CNP: variants seen among roughly 807,000 people sequenced by gnomAD.
CNP encodes the protein 2',3'-cyclic nucleotide 3' phosphodiesterase.
CNP carries 8 observed loss-of-function variants against 37.9 expected under a neutral mutation model. The observed-to-expected ratio is 0.21, with a 90% CI of 0.12 to 0.38. The LOEUF (loss-of-function observed/expected upper bound fraction) is 0.38. Among genes scored for constraint, CNP ranks in the 10% least tolerant of loss-of-function variants. The pLI is 1.00. For synonymous variants in CNP, 237 were observed against 238.3 expected (o/e 0.99, Z 0.05); for missense variants, 457 against 551.0 (o/e 0.83, Z 1.71).
At position 41,968,763 on chromosome 17, in the gene CNP, A is replaced by G. The variant is rs1555643354; in HGVS notation, c.676+23A>G. The G allele has an allele frequency of 2.5e-6, 4 of 1,588,274 alleles. No homozygotes were observed. The highest frequency in any genetic ancestry group is 2.6e-6 in the Non-Finnish European group (3 of 1,166,174). ...AATGTAGGTGGCAGGTTGGGGCCTTATAAGCCCACCTTGCTGGGCACAGGG... is the reference window on the plus strand; with the variant it reads ...AATGTAGGTGGCAGGTTGGGGCCTTGTAAGCCCACCTTGCTGGGCACAGGG... On this transcript the variant is annotated intron_variant, in intron 2 of 3. Transcript: ENST00000393892. This position sits in a 1 kb window ranked among gnomAD's most constrained non-coding sequence, Gnocchi z 4.8.
rs2051041922 is a variant in CNP, at chr17:41,974,399, A to G, written c.*475A>G. The stretch of plus-strand genomic sequence containing the variant: ...TAGTGGTGGCTCTGAGAAGGGGAGG[A>G]CCTCTGGGCTTTGATTCCATCTCCT... On this transcript the variant is annotated 3_prime_UTR_variant, in exon 4 of 4. Coordinates refer to ENST00000393892, the MANE Select transcript of CNP (RefSeq NM_033133.5). The G allele has an allele frequency of 1.3e-5, 2 of 152,918 alleles. No homozygotes were observed. The highest frequency in any genetic ancestry group is 1.3e-4 in the Admixed American group (2 of 15,262). The allele number at this position is 152,918 out of a possible 1,614,324, so 9.5% of individuals were successfully genotyped here. A position where few individuals can be genotyped will look rare whatever the true frequency, so the allele number is the denominator to read the frequency against.
In CNP at chr17:41,975,643, TC is replaced by T. The variant is rs1204582189; in HGVS notation, c.*1721del. On this transcript the variant is annotated 3_prime_UTR_variant, in exon 4 of 4. Transcript: ENST00000393892. ...GGCCTAGTCAGCCACATGGGAAACT[TC>T]CAAGACCTGACTCAGGCATCATTCC... 6.6e-6 allele frequency: 1 copy of T among 152,208 alleles called. No individual in the cohort carries two copies. The highest frequency in any genetic ancestry group is 1.5e-5 in the Non-Finnish European group (1 of 68,072). 9.4% of individuals were successfully genotyped at this position (152,208 alleles called of 1,614,324 possible). A position where few individuals can be genotyped will look rare whatever the true frequency, so the allele number is the denominator to read the frequency against.
Position 41,968,723 on chromosome 17 carries a change from A to T in CNP, c.659A>T (p.Lys220Met), listed in dbSNP as rs1555643333. The change falls in exon 2 of 4, where the codon AAG becomes ATG. Residue 220 changes from lysine to methionine, a missense_variant. Physicochemically the swap from Lys to Met is moderately conservative, Grantham distance 95. Coordinates refer to ENST00000393892, the MANE Select transcript of CNP (RefSeq NM_033133.5). The surrounding 1 kb of genome is among the most constrained non-coding windows in gnomAD (Gnocchi z 4.8). ...GAGCTGGGGAACCACAAGGCCTTCA[A>T]GAAGGAGCTGCGACAATGTAGGTGG... ...LEELGNHKAF[K>M]KELRQFVPGD... 6.2e-7 allele frequency: 1 copy of T among 1,610,832 alleles called. No homozygotes were observed. The highest frequency in any genetic ancestry group is 8.5e-7 in the Non-Finnish European group (1 of 1,177,902).
rs190081493 is a variant in CNP, at chr17:41,969,373, C to T, written c.676+633C>T. On this transcript the variant is annotated intron_variant, in intron 2 of 3. Transcript: ENST00000393892. ...GGACCCAGGAGGGATGTGGGGTTTA[C>T]GGGCTGGAACCCTGGACTCTGGCCA... 2.2e-3 allele frequency among the ~76,000 whole-genome samples: 333 copies of T among 152,180 alleles called. 2 individuals carry two copies. Among genetic ancestry groups the T allele is most frequent in the Non-Finnish European group, 3.7e-3 (253 of 68,000 alleles).
At chr17:41,969,355 G>A (rs765334636) in intron 2 of CNP, among the ~76,000 whole-genome samples, 41 of 152,250 alleles carry the variant, frequency 2.7e-4, no homozygotes, top group Non-Finnish European at 5.0e-4. Flanking sequence ...CATGGACCCA[G>A]GAGGGATGTG....
Position 41,973,409 on chromosome 17 carries a change from C to T in CNP, c.817-66C>T, listed in dbSNP as rs11871638. ...TTCTCTCCTCCAGGAGGGACCCTCCCTGGGTCAGCTGTTCCTCAAGAGCCT... is the reference window on the plus strand; with the variant it reads ...TTCTCTCCTCCAGGAGGGACCCTCCTTGGGTCAGCTGTTCCTCAAGAGCCT... On this transcript the variant is annotated intron_variant, in intron 3 of 3. Transcript: ENST00000393892. 4.9e-3 allele frequency: 7,289 copies of T among 1,484,906 alleles called. 276 individuals are homozygous for T. The African/African-American group carries it at 0.084, about 17-fold the overall frequency. The allele number at this position is 1,484,906 out of a possible 1,614,324, so 92.0% of individuals were successfully genotyped here.
chr17:41,976,594 G>T lies in CNP; in HGVS notation c.*2670G>T. ...CCCTTTGCTCCACCCCACTCACAGA[G>T]ACACAGGGCATCCAACTGAGAAAAC... On this transcript the variant is annotated 3_prime_UTR_variant, in exon 4 of 4. Coordinates refer to ENST00000393892, the MANE Select transcript of CNP (RefSeq NM_033133.5). The T allele has an allele frequency of 9.0e-7, 1 of 1,116,464 alleles. No individual in the cohort carries two copies. Among genetic ancestry groups the T allele is most frequent in the Non-Finnish European group, 1.3e-6 (1 of 791,508 alleles). 69.2% of individuals were successfully genotyped at this position (1,116,464 alleles called of 1,614,324 possible).
At chr17:41,971,751 C>T in intron 2 of CNP, 141 bp from the exon 3 acceptor site, 1 of 1,121,396 alleles carries the variant, frequency 8.9e-7, no homozygotes, top group Non-Finnish European at 1.3e-6. Context: ...GACCAACTAA[C>T]CAATGAATGA....
Position 41,973,636 on chromosome 17 carries a change from G to A in CNP, c.978G>A (p.Gly326=). The change falls in exon 4 of 4, where the codon GGG becomes GGA. Residue 326 remains glycine, a synonymous_variant. Coordinates refer to ENST00000393892, the MANE Select transcript of CNP (RefSeq NM_033133.5). ...CACCCACTGACAACCTGCCGCGGGG[G>A]AGCCGCGCCCACATCACCCTCGGCT... ...KLSPTDNLPR[G]SRAHITLGCA... The A allele has an allele frequency of 6.2e-7, 1 of 1,614,142 alleles. No homozygotes were observed. Among genetic ancestry groups the A allele is most frequent in the Non-Finnish European group, 8.5e-7 (1 of 1,180,042 alleles).
At chr17:41,966,974 C>G in intron 1 of CNP, 87 bp downstream of exon 1, 2 of 1,248,110 alleles carry the variant, frequency 1.6e-6, no homozygotes, top group African/African-American at 1.6e-5. Flanking sequence ...GTCTTGCAAA[C>G]GAGGACCCGG....
Position 41,968,709 on chromosome 17 carries a change from C to A in CNP, c.645C>A (p.Asn215Lys), listed in dbSNP as rs1293041289. The change falls in exon 2 of 4, where the codon AAC becomes AAA. Residue 215 changes from asparagine to lysine, a missense_variant. Transcript: ENST00000393892. The surrounding 1 kb of genome is among the most constrained non-coding windows in gnomAD (Gnocchi z 4.8). Reference protein sequence around the residue: ...AGQVFLEELGNHKAFKKELRQ... With the variant: ...AGQVFLEELGKHKAFKKELRQ... Reference sequence around the variant, plus strand: ...AGGTCTTCCTGGAAGAGCTGGGGAACCACAAGGCCTTCAAGAAGGAGCTGC... The same window carrying A: ...AGGTCTTCCTGGAAGAGCTGGGGAAACACAAGGCCTTCAAGAAGGAGCTGC... 3.7e-6 allele frequency: 6 copies of A among 1,612,256 alleles called. No homozygotes were observed. Among genetic ancestry groups the A allele is most frequent in the Non-Finnish European group, 4.2e-6 (5 of 1,178,786 alleles).
chr17:41,970,957 G>GT (rs2050978251), intron 2 of CNP: 1 of 152,158 alleles, frequency 6.6e-6, no homozygotes, highest in East Asian at 1.9e-4. Flanking sequence ...GACCCTTCCT[G>GT]TACCAGGAGG....
chr17:41,973,552 C>G lies in CNP; in HGVS notation c.894C>G (p.Ala298=). ...TTGTGACACCCAAGACGACTGGGGC[C>G]CGGGTGGAGTTAAGCGAGCAGCAAC... ...ALFVTPKTTG[A]RVELSEQQLQ... is the part of the protein sequence containing the mutation. The change falls in exon 4 of 4, where the codon GCC becomes GCG. Residue 298 remains alanine (A), a synonymous_variant. Transcript: ENST00000393892. 1 of 1,614,204 alleles carries G rather than the reference C, an allele frequency of 6.2e-7. No homozygotes were observed. The highest frequency in any genetic ancestry group is 8.5e-7 in the Non-Finnish European group (1 of 1,180,036).
In CNP at chr17:41,976,654, G is replaced by A; in HGVS notation, c.*2730G>A. 6.4e-7 allele frequency: 1 copy of A among 1,559,534 alleles called. No individual in the cohort carries two copies. Among genetic ancestry groups the A allele is most frequent in the African/African-American group, 1.4e-5 (1 of 72,626 alleles). On this transcript the variant is annotated 3_prime_UTR_variant, in exon 4 of 4. Coordinates refer to ENST00000393892, the MANE Select transcript of CNP (RefSeq NM_033133.5). ...CTAAGCACACGGAGACGTGATGAAG[G>A]GAGGAGGTGAACTGTTTCCACATTC... is the stretch of plus-strand genomic sequence containing the variant.
Position 41,976,801 on chromosome 17 carries a change from C to T in CNP, c.*2877C>T. The T allele has an allele frequency of 6.2e-7, 1 of 1,600,174 alleles. No homozygotes were observed. The highest frequency in any genetic ancestry group is 8.5e-7 in the Non-Finnish European group (1 of 1,176,732). Reference sequence around the variant, plus strand: ...AGAGAAAAGAGGGGTTGGTAGTTGGCTATGGATTTTCTAAGGAAGATCACT... The same window carrying T: ...AGAGAAAAGAGGGGTTGGTAGTTGGTTATGGATTTTCTAAGGAAGATCACT... On this transcript the variant is annotated 3_prime_UTR_variant, in exon 4 of 4. Coordinates refer to ENST00000393892, the MANE Select transcript of CNP (RefSeq NM_033133.5).
Position 41,977,040 on chromosome 17 carries a change from G to T in CNP, c.*3116G>T. ...ACTAGGCAGTTAGAGATGCCTCCCT[G>T]ACCCTGCAGAGATGCGGTGGCTAAA... On this transcript the variant is annotated 3_prime_UTR_variant, in exon 4 of 4. Transcript: ENST00000393892. 1 of 643,504 alleles carries T rather than the reference G, an allele frequency of 1.6e-6. No homozygotes were observed. Among genetic ancestry groups the T allele is most frequent in the Non-Finnish European group, 2.7e-6 (1 of 374,026 alleles). 39.9% of individuals were successfully genotyped at this position (643,504 alleles called of 1,614,324 possible). A position where few individuals can be genotyped will look rare whatever the true frequency, so the allele number is the denominator to read the frequency against.
intron 2 of CNP, among the ~76,000 whole-genome samples, chr17:41,969,127 A>G (rs2050947167): frequency 6.6e-6 from 1 of 152,246 alleles, no homozygotes; most frequent in Non-Finnish European, 1.5e-5. Flanking sequence ...AGTGTTTTCC[A>G]ACGCATTTTT....
chr17:41,967,404 C>G (rs1856122938), intron 1 of CNP: 1 of 153,270 alleles, frequency 6.5e-6, no homozygotes, highest in East Asian at 1.9e-4. Flanking sequence ...AGCACAGCGG[C>G]GGGTAGAGCT....
intron 2 of CNP, among the ~76,000 whole-genome samples, chr17:41,969,441 G>T (rs1276859890): frequency 2.0e-5 from 3 of 152,230 alleles, no homozygotes; most frequent in African/African-American, 7.2e-5. Context: ...TTGCTCCAAT[G>T]ATAGGTTTGA....
Sources: gnomAD v4.1 joint callset for allele counts (sites outside exome capture counted in the v4.1 genomes callset) on GRCh38, gnomAD v4.1.1 for gene constraint, Gnocchi (gnomAD v3.1) non-coding constraint, MANE v1.5 for transcripts, NCBI Gene and HGNC (gene_info 2026-07-23, HGNC 2026-07-21) for gene names.